Variants in ATP12A observed in about 807,000 individuals in gnomAD.
ATP12A encodes the protein potassium-transporting ATPase alpha chain 2.
In ATP12A, 81 loss-of-function variants were observed where a neutral mutation model predicts 111.2. That is an observed-to-expected ratio of 0.73 (90% CI 0.61 to 0.88). The LOEUF (loss-of-function observed/expected upper bound fraction) is 0.88. Ranked by LOEUF, ATP12A falls within the 40% of genes least tolerant of loss-of-function variation. The pLI is 0.00. For missense variants in ATP12A, 1,196 were observed against 1,313.1 expected (o/e 0.91, Z 1.38); for synonymous variants, 498 against 499.8 (o/e 1.00, Z 0.05).
At chr13:24,693,177 A>G (rs549475199) in intron 10 of ATP12A, among the ~76,000 whole-genome samples, 12 of 152,364 alleles carry the variant, frequency 7.9e-5, no homozygotes, top group Non-Finnish European at 1.6e-4. Context: ...TCTGCCAGCT[A>G]AGTGGATATA....
intron 14 of ATP12A, chr13:24,703,505 G>A (rs1333640476): frequency 6.6e-6 from 1 of 152,236 alleles, no homozygotes; most frequent in Non-Finnish European, 1.5e-5. Flanking sequence ...GCCTCCCAAA[G>A]TGCTGGGCTT....
chr13:24,683,994 G>T (rs559863876), intron 2 of ATP12A, among the ~76,000 whole-genome samples: 3 of 152,276 alleles, frequency 2.0e-5, no homozygotes, highest in African/African-American at 7.2e-5. Context: ...CCCGAGGGGT[G>T]GGTGGGGTGC....
rs186599537 is a variant in ATP12A, at chr13:24,711,329, G to C, written c.3011G>C (p.Trp1004Ser). ...LSFTMLRAQY[W>S]FVAVPHAILI... ...CCCTTTGCTTCCAGGGCTCAGTACT[G>C]GTTTGTGGCTGTGCCGCACGCCATC... The change falls in exon 22 of 23, where the codon TGG becomes TCG. Residue 1004 changes from tryptophan to serine, a missense_variant. Trp to Ser is a radical substitution (Grantham distance 177). Around this residue, in one of 3 missense-constraint regions of ATP12A, gnomAD observed 1,126 missense variants for 1,228.5 expected, o/e 0.92. Coordinates refer to ENST00000381946, the MANE Select transcript of ATP12A (RefSeq NM_001676.7). The C allele has an allele frequency of 5.1e-5, 81 of 1,601,592 alleles. 1 individual carries two copies. In the South Asian group the frequency reaches 8.4e-4, roughly 17 times the overall value.
At chr13:24,689,486 C>A in intron 5 of ATP12A, 111 bp downstream of exon 5, 2 of 894,816 alleles carry the variant, frequency 2.2e-6, no homozygotes, top group Non-Finnish European at 3.5e-6. Context: ...CCTTCCCTGT[C>A]GGAGCAATCG....
chr13:24,693,744 T>C (rs1424335846), intron 10 of ATP12A, among the ~76,000 whole-genome samples: 1 of 152,246 alleles, frequency 6.6e-6, no homozygotes, highest in Non-Finnish European at 1.5e-5. Context: ...AACAGAATAT[T>C]TGGAAGTCAT....
At chr13:24,696,018 C>T (rs1031546026) in intron 11 of ATP12A, among the ~76,000 whole-genome samples, 15 of 152,092 alleles carry the variant, frequency 9.9e-5, no homozygotes, top group African/African-American at 3.6e-4. Flanking sequence ...GTAAAATACT[C>T]AAGCCAAGAA....
rs201952718 is a variant in ATP12A, at chr13:24,710,262, A to AT, written c.2764-192dup. On this transcript the variant is annotated intron_variant, in intron 19 of 22. Coordinates refer to ENST00000381946, the MANE Select transcript of ATP12A (RefSeq NM_001676.7). ...TGTGTTAGAAATAATAGTAATGATA[A>AT]TTTTTTAAAAAATTAACATTTTTCT... Among the ~76,000 whole-genome samples the AT allele has an allele frequency of 2.6e-5, 4 of 152,190 alleles. No individual in the cohort carries two copies. The South Asian group carries it at 8.3e-4, about 32-fold the overall frequency.
intron 15 of ATP12A, 35 bp downstream of exon 15, chr13:24,706,498 C>G: frequency 6.2e-7 from 1 of 1,605,480 alleles, no homozygotes; most frequent in South Asian, 1.1e-5. Flanking sequence ...GACTGACAGG[C>G]CCATCACTGT....
chr13:24,680,624 C>A lies in ATP12A; in HGVS notation c.-120C>A. 1 of 1,253,710 alleles carries A rather than the reference C, an allele frequency of 8.0e-7. No homozygotes were observed. The highest frequency in any genetic ancestry group is 1.1e-6 in the Non-Finnish European group (1 of 922,032). The allele number at this position is 1,253,710 out of a possible 1,614,324, so 77.7% of individuals were successfully genotyped here. A position where few individuals can be genotyped will look rare whatever the true frequency, so the allele number is the denominator to read the frequency against. ...GCCCGCGCCGCCGCCGGTATCTCCACCGCCAACACCTCAGCCACTGCCACT... is the reference window on the plus strand; with the variant it reads ...GCCCGCGCCGCCGCCGGTATCTCCAACGCCAACACCTCAGCCACTGCCACT... On this transcript the variant is annotated 5_prime_UTR_variant, in exon 1 of 23. Transcript: ENST00000381946.
intron 8 of ATP12A, 81 bp from the exon 9 acceptor site, chr13:24,692,348 G>T: frequency 1.4e-6 from 2 of 1,422,976 alleles, no homozygotes. Flanking sequence ...TTCAATCACA[G>T]CTCACATTGG....
At chr13:24,690,789 C>T (rs1287052629) in intron 7 of ATP12A, 68 bp downstream of exon 7, 5 of 1,495,462 alleles carry the variant, frequency 3.3e-6, no homozygotes, top group Admixed American at 3.8e-5. Context: ...GCTCTCAGGT[C>T]TGTCCTTTGC....
chr13:24,684,533 T>C (rs192043822), intron 2 of ATP12A, among the ~76,000 whole-genome samples: 1 of 152,244 alleles, frequency 6.6e-6, no homozygotes, highest in East Asian at 1.9e-4. Context: ...AGACTTCTTG[T>C]CCTTTAGCCC....
intron 3 of ATP12A, among the ~76,000 whole-genome samples, chr13:24,686,114 C>G (rs1318199832): frequency 1.3e-5 from 2 of 152,152 alleles, no homozygotes; most frequent in African/African-American, 4.8e-5. Context: ...CAGCCCAGGA[C>G]TGTGAAATGA....
At chr13:24,706,196 C>G in intron 14 of ATP12A, 117 bp from the exon 15 acceptor site, 1 of 1,376,110 alleles carries the variant, frequency 7.3e-7, no homozygotes, top group South Asian at 1.5e-5. Flanking sequence ...CATTAGGTAT[C>G]AAGGACACTG....
chr13:24,686,398 C>A (rs1874665104), intron 3 of ATP12A, among the ~76,000 whole-genome samples: 1 of 141,734 alleles, frequency 7.1e-6, no homozygotes, highest in East Asian at 2.2e-4. Context: ...CAAGATCATG[C>A]CATTGCACTC....
chr13:24,684,091 C>T (rs1303081703), intron 2 of ATP12A, among the ~76,000 whole-genome samples: 1 of 136,396 alleles, frequency 7.3e-6, no homozygotes, highest in Non-Finnish European at 1.6e-5. Flanking sequence ...ATGCTCTCAT[C>T]CCCCAGCCCA....
intron 19 of ATP12A, 117 bp downstream of exon 19, chr13:24,709,945 A>G: frequency 7.0e-7 from 1 of 1,424,196 alleles, no homozygotes; most frequent in South Asian, 1.3e-5. Flanking sequence ...TTCAATTAAT[A>G]GGGCTCAGGG....
chr13:24,709,011 C>A (rs775616681), intron 17 of ATP12A, among the ~76,000 whole-genome samples: 1 of 151,942 alleles, frequency 6.6e-6, no homozygotes, highest in Non-Finnish European at 1.5e-5. Context: ...CCAGCCCAGT[C>A]CTCCTGAATT....
intron 2 of ATP12A, among the ~76,000 whole-genome samples, chr13:24,682,973 T>TTTTTTTTTTTTTTA (rs77902532): frequency 6.9e-6 from 1 of 145,624 alleles, no homozygotes; most frequent in Non-Finnish European, 1.5e-5. Flanking sequence ...TTTTTTTTTT[T>TTTTTTTTTTTTTTA]GAGACAGAGT....
Sources: allele counts gnomAD v4.1 joint callset (sites outside exome capture counted in the v4.1 genomes callset), GRCh38; gene constraint gnomAD v4.1.1; regional missense constraint gnomAD v4.1.1; transcripts MANE v1.5; gene names NCBI Gene and HGNC (gene_info 2026-07-23, HGNC 2026-07-21).